The following DBI variants were observed in gnomAD, a reference collection of about 807,000 sequenced individuals.
DBI encodes acyl-CoA-binding protein.
In DBI, 12 loss-of-function variants were observed where a neutral mutation model predicts 13.0. The ratio of observed to expected loss-of-function variants is 0.92; its 90% CI spans 0.59 to 1.49. The LOEUF is 1.49. Ranked by LOEUF, DBI falls within the 40% of genes most tolerant of loss-of-function variation. The pLI, the probability that DBI is intolerant of heterozygous loss-of-function variation, is 0.00. For missense variants in DBI, 95 were observed against 104.8 expected (o/e 0.91, Z 0.41); for synonymous variants, 37 against 37.4 (o/e 0.99, Z 0.04).
chr2:119,367,853 G>A (rs574920503), intron 1 of DBI: 4 of 1,613,694 alleles, frequency 2.5e-6, no homozygotes, highest in African/African-American at 2.7e-5. Context: ...TGCTTCTCCC[G>A]CAGAGGGGAC....
At chr2:119,368,535 A>G (rs1322966606) in intron 2 of DBI, 3 of 502,952 alleles carry the variant, frequency 6.0e-6, no homozygotes, top group Non-Finnish European at 1.1e-5. Context: ...TATCACCAGC[A>G]GCTACTCTCT....
intron 1 of DBI, chr2:119,367,699 C>G: frequency 1.2e-6 from 2 of 1,611,416 alleles, no homozygotes; most frequent in South Asian, 2.2e-5. Flanking sequence ...CGGGCTCCGG[C>G]GCTGACACCG....
Position 119,372,365 on chromosome 2 carries a change from C to T in DBI, c.*47C>T. ...GCCATGTGTTTATCCTAAACTGAGA[C>T]AATGCCTTGTTTTTTTCTAATACCG... On this transcript the variant is annotated 3_prime_UTR_variant, in exon 4 of 4. Transcript: ENST00000355857. The T allele has an allele frequency of 7.0e-7, 1 of 1,430,924 alleles. No individual in the cohort carries two copies. The highest frequency in any genetic ancestry group is 9.9e-7 in the Non-Finnish European group (1 of 1,014,316). 88.6% of individuals were successfully genotyped at this position (1,430,924 alleles called of 1,614,324 possible).
At chr2:119,367,713 C>CACTCATG in intron 1 of DBI, 1 of 1,610,014 alleles carries the variant, frequency 6.2e-7, no homozygotes, top group Non-Finnish European at 8.5e-7. Context: ...GACACCGCGG[C>CACTCATG]ACTCATGCCC....
At chr2:119,368,364 A>G in intron 2 of DBI, 59 bp downstream of exon 2, 4 of 1,249,198 alleles carry the variant, frequency 3.2e-6, no homozygotes, top group Non-Finnish European at 4.7e-6. Context: ...AGCAGCTCAG[A>G]CTGGAAGTCC....
At chr2:119,369,926 A>G (rs11892833) in intron 2 of DBI, among the ~76,000 whole-genome samples, 24,000 of 152,220 alleles carry the variant, frequency 0.16, 2,851 homozygotes, top group African/African-American at 0.33. Context: ...TTGCAAATAT[A>G]CATGTACATT....
At position 119,368,252 on chromosome 2, in the gene DBI, T is replaced by C. The variant is rs1558805986; in HGVS notation, c.74T>C (p.Met25Thr). 2.5e-6 allele frequency: 4 copies of C among 1,614,116 alleles called. No homozygotes were observed. The highest frequency in any genetic ancestry group is 3.3e-5 in the Admixed American group (2 of 60,028). Reference sequence around the variant, plus strand: ...AAGACCAAGCCATCGGATGAGGAGATGCTGTTCATCTATGGCCACTACAAA... The same window carrying C: ...AAGACCAAGCCATCGGATGAGGAGACGCTGTTCATCTATGGCCACTACAAA... ...HLKTKPSDEE[M>T]LFIYGHYKQA... The change falls in exon 2 of 4, where the codon ATG becomes ACG. Residue 25 changes from methionine to threonine, a missense_variant. Physicochemically the swap from Met to Thr is moderately conservative, Grantham distance 81. Coordinates refer to ENST00000355857, the MANE Select transcript of DBI (RefSeq NM_001079862.4).
chr2:119,371,977 C>T (rs1213521107), intron 3 of DBI, among the ~76,000 whole-genome samples: 2 of 152,234 alleles, frequency 1.3e-5, no homozygotes, highest in African/African-American at 4.8e-5. Flanking sequence ...TGGCCATTCC[C>T]CCAGGACAGG....
chr2:119,367,311 A>G, intron 1 of DBI: 1 of 1,436,190 alleles, frequency 7.0e-7, no homozygotes, highest in Non-Finnish European at 9.1e-7. Flanking sequence ...GTGTAGCGGG[A>G]GAGGGGTGGG....
At chr2:119,371,377 C>T (rs1465730443) in intron 3 of DBI, among the ~76,000 whole-genome samples, 1 of 152,216 alleles carries the variant, frequency 6.6e-6, no homozygotes, top group South Asian at 2.1e-4. Context: ...AAGCTCCTGG[C>T]AGCATTAGTG....
intron 1 of DBI, chr2:119,367,610 C>T (rs202133439): frequency 1.2e-6 from 2 of 1,614,102 alleles, no homozygotes; most frequent in Non-Finnish European, 1.7e-6. Context: ...TGGCTCCTCC[C>T]GCCTGCCTCT....
At chr2:119,367,095 A>G (rs534493733) in intron 1 of DBI, 35 bp downstream of exon 1, 1 of 1,612,950 alleles carries the variant, frequency 6.2e-7, no homozygotes, top group Admixed American at 1.7e-5. Flanking sequence ...GCGAAGGTGC[A>G]GCGGGCGGGA....
In DBI at chr2:119,368,325, G is replaced by A. The variant is rs775388781; in HGVS notation, c.127+20G>A. The stretch of plus-strand genomic sequence containing the variant: ...ATACAGGTATGCAGAGCGGGGGTTG[G>A]AAGGGCATCTGCTCATCAAAGCAGG... On this transcript the variant is annotated intron_variant, in intron 2 of 3. Coordinates refer to ENST00000355857, the MANE Select transcript of DBI (RefSeq NM_001079862.4). The A allele has an allele frequency of 1.3e-6, 2 of 1,575,086 alleles. No individual in the cohort carries two copies. Among genetic ancestry groups the A allele is most frequent in the African/African-American group, 1.3e-5 (1 of 74,246 alleles).
intron 2 of DBI, chr2:119,368,821 G>C (rs554219087): frequency 6.1e-6 from 1 of 165,204 alleles, no homozygotes; most frequent in East Asian, 1.6e-4. Flanking sequence ...TTTTGAGGCT[G>C]TGCTTTGGAC....
intron 1 of DBI, chr2:119,367,673 G>A (rs776446103): frequency 8.1e-6 from 13 of 1,613,316 alleles, no homozygotes; most frequent in Non-Finnish European, 9.3e-6. Context: ...GGCCCCAGGG[G>A]GAGGGAGGGG....
At chr2:119,367,868 A>G (rs1681168187) in intron 1 of DBI, 4 of 1,613,940 alleles carry the variant, frequency 2.5e-6, no homozygotes, top group Non-Finnish European at 3.4e-6. Context: ...GGGGACCCCC[A>G]CTGGGGGCGA....
chr2:119,372,446 AC>A lies in DBI; in HGVS notation c.*130del, dbSNP rs1681592576. On this transcript the variant is annotated 3_prime_UTR_variant, in exon 4 of 4. Coordinates refer to ENST00000355857, the MANE Select transcript of DBI (RefSeq NM_001079862.4). ...TTAAACCAGCTACTCAAGGCTGCTCACCATACGGCTCTAACAGATTAGGGGC... is the reference window on the plus strand; with the variant it reads ...TTAAACCAGCTACTCAAGGCTGCTCACATACGGCTCTAACAGATTAGGGGC... 3 of 677,322 alleles carry A rather than the reference AC, an allele frequency of 4.4e-6. No individual in the cohort carries two copies. Among genetic ancestry groups the A allele is most frequent in the Non-Finnish European group, 7.9e-6 (3 of 381,232 alleles). 42.0% of individuals were successfully genotyped at this position (677,322 alleles called of 1,614,324 possible).
chr2:119,367,896 T>C (rs947748437), intron 1 of DBI: 3 of 1,614,248 alleles, frequency 1.9e-6, no homozygotes, highest in Non-Finnish European at 2.5e-6. Flanking sequence ...GCCTGCCCTC[T>C]TCACTGCTGT....
intron 1 of DBI, chr2:119,367,445 C>A (rs752654501): frequency 6.4e-7 from 1 of 1,556,180 alleles, no homozygotes; most frequent in East Asian, 2.3e-5. Context: ...GCGAGGAGTC[C>A]GTGGCCGAGA....
Sources: gnomAD v4.1 joint callset for allele counts (sites outside exome capture counted in the v4.1 genomes callset) on GRCh38, gnomAD v4.1.1 for gene constraint, MANE v1.5 for transcripts, NCBI Gene and HGNC (gene_info 2026-07-23, HGNC 2026-07-21) for gene names.